The following EPHA6 variants were observed in gnomAD, a reference collection of about 807,000 sequenced individuals.
The protein encoded by EPHA6 is EPH receptor A6.
EPHA6 carries 50 observed loss-of-function variants against 112.0 expected under a neutral mutation model. The ratio of observed to expected loss-of-function variants is 0.45; its 90% CI spans 0.36 to 0.56. The LOEUF is 0.56. Ranked by LOEUF, EPHA6 falls within the 20% of genes least tolerant of loss-of-function variation. The probability of loss-of-function intolerance (pLI) is 0.00; values close to 1 mark genes in which losing one functional copy is unlikely to be tolerated. For missense variants in EPHA6, 1,280 were observed against 1,417.4 expected, an observed-to-expected ratio of 0.90 and a Z score of 1.56; for synonymous variants, 529 against 490.7, an observed-to-expected ratio of 1.08 and a Z score of -1.03.
chr3:96,871,868 T>C (rs2036639955), intron 2 of EPHA6, among the ~76,000 whole-genome samples: 1 of 152,040 alleles, frequency 6.6e-6, no homozygotes, highest in Admixed American at 6.6e-5. Flanking sequence ...GCAGTAATAA[T>C]AGAAAGACTC....
In EPHA6 at chr3:96,882,730, CTGTGTG is replaced by C. The variant is rs1207060710; in HGVS notation, c.450+15875_450+15880del. Among the ~76,000 whole-genome samples the C allele has an allele frequency of 3.0e-3, 385 of 129,308 alleles. 2 individuals are homozygous for C. Among genetic ancestry groups the C allele is most frequent in the African/African-American group, 8.1e-3 (271 of 33,626 alleles). The allele number at this position is 129,308 out of a possible 152,430, so 84.8% of individuals were successfully genotyped here. ...GGATTCGTAGTATTCCATTGTGTGT[CTGTGTG>C]TGTGTGTGTGTGTGTGTGTGTGTGT... On this transcript the variant is annotated intron_variant, in intron 2 of 17. Transcript: ENST00000389672.
intron 11 of EPHA6, among the ~76,000 whole-genome samples, chr3:97,590,483 A>G (rs1156614540): frequency 1.3e-5 from 2 of 152,214 alleles, no homozygotes; most frequent in Admixed American, 1.3e-4. Flanking sequence ...TAATGTTGGC[A>G]AAAACAGGAA....
chr3:96,899,039 CAAAA>C (rs1559812340), intron 2 of EPHA6, among the ~76,000 whole-genome samples: 1 of 143,646 alleles, frequency 7.0e-6, no homozygotes, highest in Non-Finnish European at 1.5e-5. Flanking sequence ...AAAAAAAAAA[CAAAA>C]ACAAACAAAC....
intron 2 of EPHA6, among the ~76,000 whole-genome samples, chr3:96,917,605 C>A (rs768390587): frequency 6.6e-6 from 1 of 151,938 alleles, no homozygotes; most frequent in Non-Finnish European, 1.5e-5. Flanking sequence ...CTACTACCTA[C>A]AAACAACCAC....
chr3:97,379,010 T>C (rs2085553029), intron 5 of EPHA6, among the ~76,000 whole-genome samples: 1 of 152,102 alleles, frequency 6.6e-6, no homozygotes, highest in South Asian at 2.1e-4. Context: ...CAGGGTGGAA[T>C]GTTATGGTTT....
chr3:96,938,041 T>C (rs980913444), intron 2 of EPHA6, among the ~76,000 whole-genome samples: 97 of 152,224 alleles, frequency 6.4e-4, no homozygotes, highest in African/African-American at 2.3e-3. Flanking sequence ...TCAGGTAGTG[T>C]GATGCCTCCA....
chr3:97,671,655 G>A (rs983332459), intron 14 of EPHA6, among the ~76,000 whole-genome samples: 5 of 152,066 alleles, frequency 3.3e-5, no homozygotes, highest in African/African-American at 9.6e-5. Context: ...TCTTGCTATT[G>A]TTTGCATGGA....
chr3:97,616,772 T>C (rs1014404810), intron 13 of EPHA6, among the ~76,000 whole-genome samples: 2 of 151,862 alleles, frequency 1.3e-5, no homozygotes, highest in Non-Finnish European at 2.9e-5. Context: ...CCAAGAAATA[T>C]AGGATTATGT....
rs539341940 is a variant in EPHA6, at chr3:97,690,651, A to G, written c.2785-29610A>G. On this transcript the variant is annotated intron_variant, in intron 14 of 17. Transcript: ENST00000389672. Reference sequence around the variant, plus strand: ...CCTGGCTAATTTTTGTATTTTTAGTAGAGACGAGGTTTCGCCATGTTGACC... The same window carrying G: ...CCTGGCTAATTTTTGTATTTTTAGTGGAGACGAGGTTTCGCCATGTTGACC... Among the ~76,000 whole-genome samples, 24 of 152,192 alleles carry G rather than the reference A, an allele frequency of 1.6e-4. No individual in the cohort carries two copies. The South Asian group carries it at 1.7e-3, about 11-fold the overall frequency.
intron 10 of EPHA6, among the ~76,000 whole-genome samples, chr3:97,499,382 A>G (rs1012610612): frequency 6.6e-6 from 1 of 152,196 alleles, no homozygotes; most frequent in Non-Finnish European, 1.5e-5. Context: ...TATAGTCACT[A>G]TGTTTTATAC....
At chr3:97,483,259 C>G (rs964221026) in intron 9 of EPHA6, among the ~76,000 whole-genome samples, 1 of 152,214 alleles carries the variant, frequency 6.6e-6, no homozygotes, top group African/African-American at 2.4e-5. Context: ...GCCCTCCATT[C>G]TCACCAATGA....
At chr3:97,640,470 G>A (rs536648013) in intron 14 of EPHA6, among the ~76,000 whole-genome samples, 44 of 152,200 alleles carry the variant, frequency 2.9e-4, no homozygotes, top group African/African-American at 9.9e-4. Context: ...GCATGTCTTA[G>A]AAGATATTAT....
intron 1 of EPHA6, among the ~76,000 whole-genome samples, chr3:96,820,412 A>G (rs1472091179): frequency 2.0e-5 from 3 of 151,984 alleles, no homozygotes; most frequent in African/African-American, 7.2e-5. Context: ...TCCGGGCAAG[A>G]TGTATGGTGG....
chr3:96,911,707 A>G (rs1353734194), intron 2 of EPHA6, among the ~76,000 whole-genome samples: 2 of 152,056 alleles, frequency 1.3e-5, no homozygotes, highest in Non-Finnish European at 1.5e-5. Context: ...ATATTTTTTA[A>G]AGATAATTGG....
intron 6 of EPHA6, among the ~76,000 whole-genome samples, chr3:97,438,256 G>A (rs904364784): frequency 1.2e-4 from 18 of 152,066 alleles, no homozygotes; most frequent in African/African-American, 4.1e-4. Context: ...TAAATATCAA[G>A]AATATGTATT....
At chr3:97,159,505 C>A (rs1402877621) in intron 3 of EPHA6, among the ~76,000 whole-genome samples, 3 of 152,136 alleles carry the variant, frequency 2.0e-5, no homozygotes, top group African/African-American at 7.2e-5. Context: ...CTATTTTCAT[C>A]CCTTTATTCC....
At chr3:97,739,445 A>G (rs539449085) in intron 16 of EPHA6, among the ~76,000 whole-genome samples, 16 of 152,244 alleles carry the variant, frequency 1.1e-4, no homozygotes, top group Admixed American at 9.2e-4. Context: ...GGAAGAAATT[A>G]AAGTGACAAA....
In EPHA6 at chr3:97,244,216, T is replaced by C. The variant is rs1307971153; in HGVS notation, c.1535T>C (p.Met512Thr). 6.2e-7 allele frequency: 1 copy of C among 1,613,162 alleles called. No individual in the cohort carries two copies. The highest frequency in any genetic ancestry group is 8.5e-7 in the Non-Finnish European group (1 of 1,179,366). The change falls in exon 5 of 18, where the codon ATG (methionine) becomes ACG (threonine). Residue 512 changes from methionine (M) to threonine (T), a missense_variant. Met to Thr is a moderately conservative substitution (Grantham distance 81, BLOSUM62 -1). Coordinates refer to ENST00000389672, the MANE Select transcript of EPHA6 (RefSeq NM_001080448.3). ...HVNYTFEIEAMNGVSELSFSP... is the reference protein window; with the variant it reads ...HVNYTFEIEATNGVSELSFSP... ...AATTACACCTTTGAAATAGAAGCAA[T>C]GAATGGAGTTTCTGAGTTGAGTTTT...
At chr3:97,007,355 T>G (rs1441812599) in intron 3 of EPHA6, among the ~76,000 whole-genome samples, 1 of 152,196 alleles carries the variant, frequency 6.6e-6, no homozygotes, top group African/African-American at 2.4e-5. Flanking sequence ...TACCATTATG[T>G]GATGCCCTTC....
Sources: allele counts gnomAD v4.1 joint callset (sites outside exome capture counted in the v4.1 genomes callset), GRCh38; gene constraint gnomAD v4.1.1; transcripts MANE v1.5; gene names NCBI Gene and HGNC (gene_info 2026-07-23, HGNC 2026-07-21).